Variants in SCN7A observed in about 807,000 individuals in gnomAD.
The protein encoded by SCN7A is sodium channel protein type 7 subunit alpha.
In SCN7A, 138 loss-of-function variants were observed where a neutral mutation model predicts 155.2. The observed-to-expected ratio is 0.89, with a 90% CI of 0.77 to 1.02. The LOEUF is 1.02. Ranked by LOEUF, SCN7A falls within the 50% of genes least tolerant of loss-of-function variation. The probability of loss-of-function intolerance (pLI) is 0.00; values close to 1 mark genes in which losing one functional copy is unlikely to be tolerated. For missense variants in SCN7A, 2,058 were observed against 1,986.6 expected, an observed-to-expected ratio of 1.04 and a Z score of -0.68; for synonymous variants, 693 against 649.0, an observed-to-expected ratio of 1.07 and a Z score of -1.03.
At chr2:166,410,028 TA>T (rs1358001935) in intron 24 of SCN7A, 93 bp from the exon 25 acceptor site, 1 of 1,293,678 alleles carries the variant, frequency 7.7e-7, no homozygotes, top group East Asian at 2.5e-5. Flanking sequence ...CTTCCCAAAA[TA>T]AATGAGAATA....
At chr2:166,458,471 T>C (rs958282581) in intron 10 of SCN7A, among the ~76,000 whole-genome samples, 3 of 152,104 alleles carry the variant, frequency 2.0e-5, no homozygotes, top group Non-Finnish European at 4.4e-5. Flanking sequence ...ATTGAACATA[T>C]AGACTTTTTA....
chr2:166,465,868 T>G lies in SCN7A; in HGVS notation c.784A>C (p.Asn262His). ...CATCGAAAACATTTATGTTTCAAGT[T>G]GCCCATGAAGAGCCCCATCCCAATT... is the stretch of plus-strand genomic sequence containing the variant. ...SLIGMGLFMG[N>H]LKHKCFRWPQ... The change falls in exon 8 of 26, where the codon AAC becomes CAC. Residue 262 changes from asparagine (N) to histidine (H), a missense_variant. Physicochemically the swap from Asn to His is moderately conservative, Grantham distance 68 (BLOSUM62 1). Transcript: ENST00000643258. The G allele has an allele frequency of 6.2e-7, 1 of 1,613,920 alleles. No individual in the cohort carries two copies. The highest frequency in any genetic ancestry group is 8.5e-7 in the Non-Finnish European group (1 of 1,179,840).
At chr2:166,438,997 TATATC>T (rs1437048183) in intron 15 of SCN7A, among the ~76,000 whole-genome samples, 8 of 146,480 alleles carry the variant, frequency 5.5e-5, no homozygotes, top group Non-Finnish European at 7.5e-5. Context: ...ATTTATATGT[TATATC>T]ATACATATAT....
chr2:166,472,176 C>T, intron 6 of SCN7A, 141 bp downstream of exon 6: 4 of 740,772 alleles, frequency 5.4e-6, no homozygotes, highest in Non-Finnish European at 8.4e-6. Context: ...GCTGAGAGAG[C>T]TCACTATGAC....
intron 10 of SCN7A, among the ~76,000 whole-genome samples, chr2:166,457,567 G>A (rs2105467383): frequency 6.6e-6 from 1 of 152,264 alleles, no homozygotes; most frequent in South Asian, 2.1e-4. Flanking sequence ...GGAATGGAGA[G>A]CAGGACTATT....
intron 15 of SCN7A, among the ~76,000 whole-genome samples, chr2:166,439,903 G>T (rs1399029071): frequency 6.6e-6 from 1 of 152,138 alleles, no homozygotes; most frequent in African/African-American, 2.4e-5. Context: ...AATGTGGACA[G>T]GTAAAATTGA....
intron 15 of SCN7A, among the ~76,000 whole-genome samples, chr2:166,437,071 G>C (rs991301074): frequency 6.6e-5 from 10 of 152,202 alleles, no homozygotes; most frequent in African/African-American, 1.9e-4. Context: ...CAAGGCAATG[G>C]GGATAATGTC....
At chr2:166,417,941 T>C (rs1701414874) in intron 20 of SCN7A, among the ~76,000 whole-genome samples, 1 of 151,646 alleles carries the variant, frequency 6.6e-6, no homozygotes, top group Admixed American at 6.6e-5. Flanking sequence ...CAATAATCTA[T>C]AATCACTGTC....
At position 166,444,892 on chromosome 2, in the gene SCN7A, T is replaced by A. The variant is rs959540957; in HGVS notation, c.1496A>T (p.His499Leu). 1 of 1,613,064 alleles carries A rather than the reference T, an allele frequency of 6.2e-7. No homozygotes were observed. The highest frequency in any genetic ancestry group is 1.3e-5 in the African/African-American group (1 of 74,910). The change falls in exon 13 of 26, where the codon CAT (histidine) becomes CTT (leucine). Residue 499 changes from histidine to leucine, a missense_variant. Coordinates refer to ENST00000643258, the MANE Select transcript of SCN7A (RefSeq NM_002976.4). ...AGTAAATGGTGCCATTATAATCCTATGGACAAACTCTTTCAATTTTAACCA... is the reference window on the plus strand; with the variant it reads ...AGTAAATGGTGCCATTATAATCCTAAGGACAAACTCTTTCAATTTTAACCA... ...PCWLKLKEFV[H>L]RIIMAPFTDL... is the part of the protein sequence containing the mutation.
intron 10 of SCN7A, among the ~76,000 whole-genome samples, chr2:166,460,848 T>C (rs1408870058): frequency 6.6e-6 from 1 of 152,042 alleles, no homozygotes; most frequent in African/African-American, 2.4e-5. Context: ...ATATCATGCA[T>C]ATAGAGTTGG....
Position 166,405,586 on chromosome 2 carries a change from C to T in SCN7A, c.5043G>A (p.Gln1681=), listed in dbSNP as rs1701050169. Residue 1681 remains glutamine (Q), a synonymous_variant, in exon 26 of 26, where the codon CAG becomes CAA. Coordinates refer to ENST00000643258, the MANE Select transcript of SCN7A (RefSeq NM_002976.4). ...KAKEKSPIQS[Q]I ...AAAGAGGTGGTAAGTGGTATTAGAT[C>T]TGGCTTTGAATAGGTGACTTTTCCT... The T allele has an allele frequency of 6.4e-7, 1 of 1,570,868 alleles. No individual in the cohort carries two copies. The highest frequency in any genetic ancestry group is 8.6e-7 in the Non-Finnish European group (1 of 1,160,952).
chr2:166,447,071 G>T (rs1559109103), intron 12 of SCN7A, among the ~76,000 whole-genome samples: 1 of 152,128 alleles, frequency 6.6e-6, no homozygotes, highest in African/African-American at 2.4e-5. Flanking sequence ...AAATAAAAAA[G>T]CTGAATGAAT....
chr2:166,456,877 G>C lies in SCN7A; in HGVS notation c.1283C>G (p.Thr428Arg). 1 of 1,523,552 alleles carries C rather than the reference G, an allele frequency of 6.6e-7. No homozygotes were observed. The highest frequency in any genetic ancestry group is 2.0e-5 in the Admixed American group (1 of 50,878). 94.4% of individuals were successfully genotyped at this position (1,523,552 alleles called of 1,614,324 possible). A position where few individuals can be genotyped will look rare whatever the true frequency, so the allele number is the denominator to read the frequency against. The change falls in exon 11 of 26, where the codon ACA becomes AGA. Residue 428 changes from threonine (T) to arginine (R), a missense_variant. By Grantham distance (71) the Thr-to-Arg change is moderately conservative. Coordinates refer to ENST00000643258, the MANE Select transcript of SCN7A (RefSeq NM_002976.4). ...TGKELQEGNE[T>R]DEAKTIQIEM... Reference sequence around the variant, plus strand: ...ATAGATAGATATAGATACCTCATCTGTTTCATTTCCTTCTTGAAGTTCTTT... The same window carrying C: ...ATAGATAGATATAGATACCTCATCTCTTTCATTTCCTTCTTGAAGTTCTTT...
intron 18 of SCN7A, among the ~76,000 whole-genome samples, 173 bp from the exon 19 acceptor site, chr2:166,423,605 G>C (rs550436671): frequency 5.3e-5 from 8 of 152,132 alleles, no homozygotes; most frequent in African/African-American, 1.9e-4. Context: ...TAATCTATAA[G>C]TATTATTATT....
At chr2:166,448,073 A>AT (rs921769676) in intron 11 of SCN7A, among the ~76,000 whole-genome samples, 12 of 152,046 alleles carry the variant, frequency 7.9e-5, no homozygotes, top group Admixed American at 7.9e-4. Flanking sequence ...ATTTAACCAT[A>AT]TTTTTTGTAG....
chr2:166,456,362 T>C (rs1702274239), intron 11 of SCN7A, among the ~76,000 whole-genome samples: 1 of 151,960 alleles, frequency 6.6e-6, no homozygotes, highest in African/African-American at 2.4e-5. Context: ...TCCAGTATAA[T>C]AATAATAAAA....
At chr2:166,425,800 T>C (rs1701610198) in intron 18 of SCN7A, among the ~76,000 whole-genome samples, 2 of 152,120 alleles carry the variant, frequency 1.3e-5, no homozygotes, top group Non-Finnish European at 2.9e-5. Flanking sequence ...ATCTTTAACT[T>C]GATCAGATCT....
intron 3 of SCN7A, 129 bp downstream of exon 3, chr2:166,477,334 T>C: frequency 5.7e-6 from 4 of 707,722 alleles, no homozygotes; most frequent in Non-Finnish European, 9.1e-6. Context: ...TATGTCGTTC[T>C]GTAAAATTTA....
At chr2:166,464,498 T>C (rs929868299) in intron 9 of SCN7A, among the ~76,000 whole-genome samples, 10 of 152,202 alleles carry the variant, frequency 6.6e-5, no homozygotes, top group Non-Finnish European at 1.2e-4. Flanking sequence ...GACAGTTATG[T>C]CATCTCACTT....
Sources: gnomAD v4.1 joint callset for allele counts (sites outside exome capture counted in the v4.1 genomes callset) on GRCh38, gnomAD v4.1.1 for gene constraint, MANE v1.5 for transcripts, NCBI Gene and HGNC (gene_info 2026-07-23, HGNC 2026-07-21) for gene names.